Variants in PTP4A1 observed in about 807,000 individuals in gnomAD.
PTP4A1 encodes the protein protein tyrosine phosphatase type IVA 1.
PTP4A1 carries 9 observed loss-of-function variants against 20.5 expected under a neutral mutation model. The observed-to-expected ratio is 0.44, with a 90% CI of 0.26 to 0.77. The LOEUF (loss-of-function observed/expected upper bound fraction) is 0.77. PTP4A1 is among the 30% of genes least tolerant of loss of function. The pLI is 0.19. For missense variants in PTP4A1, 137 were observed against 218.8 expected (o/e 0.63, Z 2.36); for synonymous variants, 78 against 67.4 (o/e 1.16, Z -0.77).
At chr6:63,554,473 C>T (rs1156522470) in intron 3 of PTP4A1, among the ~76,000 whole-genome samples, 1 of 152,140 alleles carries the variant, frequency 6.6e-6, no homozygotes, top group Non-Finnish European at 1.5e-5. Flanking sequence ...CTCTTCTCAG[C>T]CTTCCCATAG....
intron 2 of PTP4A1, among the ~76,000 whole-genome samples, chr6:63,532,786 A>G (rs1266519576): frequency 6.6e-6 from 1 of 152,204 alleles, no homozygotes; most frequent in Non-Finnish European, 1.5e-5. Flanking sequence ...CTAGGCCCCA[A>G]AAGATTGAAT....
chr6:63,552,610 A>C (rs901524744), intron 3 of PTP4A1, among the ~76,000 whole-genome samples: 13 of 152,188 alleles, frequency 8.5e-5, no homozygotes, highest in Non-Finnish European at 1.8e-4. Context: ...GTCCTTGCCC[A>C]TGCCTATGTC....
At chr6:63,521,845 A>G (rs1774936779) in intron 1 of PTP4A1, 1 of 152,202 alleles carries the variant, frequency 6.6e-6, no homozygotes, top group Admixed American at 6.5e-5. Flanking sequence ...AACTTAATCT[A>G]CTTGTATATT....
intron 2 of PTP4A1, 37 bp from the exon 3 acceptor site, chr6:63,578,400 T>C (rs760992296): frequency 6.3e-7 from 1 of 1,589,020 alleles, no homozygotes; most frequent in Admixed American, 1.9e-5. Flanking sequence ...GTGATGTGGT[T>C]AAACATTAAG....
At chr6:63,549,058 T>C (rs1198729889) in intron 2 of PTP4A1, 2 of 720,396 alleles carry the variant, frequency 2.8e-6, no homozygotes, top group Admixed American at 3.9e-5. Context: ...GGCTGAGCTT[T>C]CTTATTCTCT....
At chr6:63,566,607 T>G (rs1463174844) in intron 3 of PTP4A1, among the ~76,000 whole-genome samples, 2 of 152,222 alleles carry the variant, frequency 1.3e-5, no homozygotes, top group Non-Finnish European at 2.9e-5. Context: ...CTAACAGTCA[T>G]CTGAGCCTTC....
At chr6:63,544,976 G>C (rs965652217) in intron 2 of PTP4A1, among the ~76,000 whole-genome samples, 1 of 152,076 alleles carries the variant, frequency 6.6e-6, no homozygotes, top group African/African-American at 2.4e-5. Context: ...TCATGCACTA[G>C]TTTTATCATC....
chr6:63,526,191 G>A (rs1335565967), intron 1 of PTP4A1, among the ~76,000 whole-genome samples: 1 of 152,064 alleles, frequency 6.6e-6, no homozygotes, highest in Non-Finnish European at 1.5e-5. Flanking sequence ...TGGGCATGGT[G>A]GTGGATGCCT....
At chr6:63,536,321 A>T (rs1355369017) in intron 2 of PTP4A1, among the ~76,000 whole-genome samples, 1 of 152,146 alleles carries the variant, frequency 6.6e-6, no homozygotes, top group Non-Finnish European at 1.5e-5. Context: ...CAAGAGCTAG[A>T]TTCTGTCTCA....
intron 2 of PTP4A1, among the ~76,000 whole-genome samples, chr6:63,534,960 T>C (rs1378814712): frequency 6.6e-6 from 1 of 151,956 alleles, no homozygotes; most frequent in Non-Finnish European, 1.5e-5. Context: ...CTCTGGAAGC[T>C]GAGGCAGGAG....
upstream of PTP4A1, chr6:63,572,454 A>T: frequency 2.6e-6 from 1 of 380,196 alleles, no homozygotes; most frequent in East Asian, 3.8e-5. Flanking sequence ...GCCGGCTATA[A>T]AGGGGAGGGC....
chr6:63,574,445 A>G (rs1410430250), intron 1 of PTP4A1, among the ~76,000 whole-genome samples: 2 of 152,154 alleles, frequency 1.3e-5, no homozygotes, highest in African/African-American at 2.4e-5. Flanking sequence ...GCGGAACAGA[A>G]ATCTATCGGT....
At chr6:63,516,690 ATC>A in the PTP4A1 span, among the ~76,000 whole-genome samples, 16 of 152,206 alleles carry the variant, frequency 1.1e-4, no homozygotes, top group Non-Finnish European at 1.6e-4. Context: ...GTGGAAAAAA[ATC>A]TCTTTTACAA....
chr6:63,532,817 C>G (rs1022721252), intron 2 of PTP4A1, among the ~76,000 whole-genome samples: 1 of 151,718 alleles, frequency 6.6e-6, no homozygotes, highest in South Asian at 2.1e-4. Context: ...AATAAGCTAC[C>G]AAAAAATATC....
At chr6:63,572,387 T>G, upstream of PTP4A1, 1 of 317,528 alleles carries the variant, frequency 3.1e-6, no homozygotes. Flanking sequence ...CCCCCGCCTG[T>G]CGGCTCCTGG....
chr6:63,572,778 C>A, intron 1 of PTP4A1, 59 bp downstream of exon 1: 2 of 398,338 alleles, frequency 5.0e-6, no homozygotes, highest in Non-Finnish European at 4.4e-6. Context: ...GCCCCCCATC[C>A]CCGCTGTCGC....
At chr6:63,519,180 G>A (rs1409585371), upstream of PTP4A1, among the ~76,000 whole-genome samples, 1 of 152,076 alleles carries the variant, frequency 6.6e-6, no homozygotes, top group Non-Finnish European at 1.5e-5. Flanking sequence ...GATGGTGGGT[G>A]CCTGTAATCC....
At chr6:63,536,826 C>T (rs1434487644) in intron 2 of PTP4A1, among the ~76,000 whole-genome samples, 1 of 151,968 alleles carries the variant, frequency 6.6e-6, no homozygotes, top group East Asian at 1.9e-4. Flanking sequence ...TAAACTATAA[C>T]ATATTTGATA....
chr6:63,566,539 G>T, intron 3 of PTP4A1, among the ~76,000 whole-genome samples: 1 of 152,166 alleles, frequency 6.6e-6, no homozygotes, highest in East Asian at 1.9e-4. Context: ...CAGAAAGGAA[G>T]TGGGGAAAAC....
Sources: gnomAD v4.1 joint callset for allele counts (sites outside exome capture counted in the v4.1 genomes callset) on GRCh38, gnomAD v4.1.1 for gene constraint, MANE v1.5 for transcripts, NCBI Gene and HGNC (gene_info 2026-07-23, HGNC 2026-07-21) for gene names.